SLC25A40: variants seen among roughly 807,000 people sequenced by gnomAD.
SLC25A40 encodes solute carrier family 25 member 40.
A neutral mutation model predicts 46.5 loss-of-function variants in SLC25A40; 41 were observed. That is an observed-to-expected ratio of 0.88 (90% CI 0.69 to 1.14). The LOEUF is 1.14. SLC25A40 is among the 50% of genes most tolerant of loss of function. The probability of loss-of-function intolerance (pLI) is 0.00; values close to 1 mark genes in which losing one functional copy is unlikely to be tolerated. For synonymous variants in SLC25A40, 126 were observed against 127.5 expected, an observed-to-expected ratio of 0.99 and a Z score of 0.08; for missense variants, 386 against 393.6, an observed-to-expected ratio of 0.98 and a Z score of 0.16.
At chr7:87,853,113 A>C (rs180687302) in intron 5 of SLC25A40, among the ~76,000 whole-genome samples, 2 of 152,364 alleles carry the variant, frequency 1.3e-5, no homozygotes, top group African/African-American at 2.4e-5. Flanking sequence ...AGTATCTAGA[A>C]CATATAAAGA....
At chr7:87,862,179 T>C (rs1275662257) in intron 1 of SLC25A40, among the ~76,000 whole-genome samples, 1 of 152,190 alleles carries the variant, frequency 6.6e-6, no homozygotes, top group African/African-American at 2.4e-5. Context: ...TGTCCCACTT[T>C]CTATTCTCCT....
intron 1 of SLC25A40, among the ~76,000 whole-genome samples, chr7:87,872,964 C>G (rs997870646): frequency 6.6e-6 from 1 of 152,212 alleles, no homozygotes; most frequent in Non-Finnish European, 1.5e-5. Context: ...CCAATCCTAT[C>G]CTTTCATGCA....
chr7:87,868,765 A>G (rs537079672), intron 1 of SLC25A40, among the ~76,000 whole-genome samples: 1 of 152,186 alleles, frequency 6.6e-6, no homozygotes, highest in Admixed American at 6.5e-5. Flanking sequence ...AGCTCTCTGA[A>G]CCCTGTCCTC....
intron 5 of SLC25A40, among the ~76,000 whole-genome samples, chr7:87,852,288 T>G (rs746960210): frequency 5.9e-5 from 9 of 151,670 alleles, no homozygotes; most frequent in Non-Finnish European, 1.2e-4. Flanking sequence ...GAAAAAAAAA[T>G]AAATAAATAA....
At chr7:87,874,131 T>C (rs950981331) in intron 1 of SLC25A40, among the ~76,000 whole-genome samples, 3 of 152,238 alleles carry the variant, frequency 2.0e-5, no homozygotes, top group Admixed American at 6.5e-5. Context: ...TAACCTTGGA[T>C]AATAGATTAG....
chr7:87,857,022 T>A (rs901704299), intron 3 of SLC25A40, among the ~76,000 whole-genome samples: 2 of 152,180 alleles, frequency 1.3e-5, no homozygotes, highest in African/African-American at 4.8e-5. Context: ...AGCAATTAAT[T>A]TATTTGTTCT....
chr7:87,850,141 TACTA>T (rs1406909452), intron 5 of SLC25A40, among the ~76,000 whole-genome samples, 193 bp from the exon 6 acceptor site: 1 of 152,192 alleles, frequency 6.6e-6, no homozygotes, highest in African/African-American at 2.4e-5. Flanking sequence ...TTCTGGATGA[TACTA>T]ACTTCTTACA....
Position 87,834,517 on chromosome 7 carries a change from C to G in SLC25A40, c.*1732G>C, listed in dbSNP as rs1470848666. The G allele has an allele frequency of 6.6e-6, 1 of 151,484 alleles. No homozygotes were observed. Among genetic ancestry groups the G allele is most frequent in the Non-Finnish European group, 1.5e-5 (1 of 67,684 alleles). 9.4% of individuals were successfully genotyped at this position (151,484 alleles called of 1,614,324 possible). ...TAGGCAATTAGATTTACTTATCTTA[C>G]TTTATTCATAAATAAGAATTTTCCT... On this transcript the variant is annotated 3_prime_UTR_variant, in exon 12 of 12. Transcript: ENST00000341119.
intron 1 of SLC25A40, among the ~76,000 whole-genome samples, 167 bp downstream of exon 1, chr7:87,875,929 C>T (rs1238696957): frequency 6.6e-6 from 1 of 152,224 alleles, no homozygotes; most frequent in Non-Finnish European, 1.5e-5. Context: ...GGGAAAACCC[C>T]GCTTGCTGTG....
chr7:87,836,140 GA>G lies in SLC25A40; in HGVS notation c.*108del, dbSNP rs1192125914. 1 of 575,932 alleles carries G rather than the reference GA, an allele frequency of 1.7e-6. No individual in the cohort carries two copies. The highest frequency in any genetic ancestry group is 3.4e-5 in the East Asian group (1 of 29,146). 35.7% of individuals were successfully genotyped at this position (575,932 alleles called of 1,614,324 possible). On this transcript the variant is annotated 3_prime_UTR_variant, in exon 12 of 12. Coordinates refer to ENST00000341119, the MANE Select transcript of SLC25A40 (RefSeq NM_018843.4). ...CTGAAATTATTTATTTAAATTATAG[GA>G]AAGAAAGACATAAAATCATTGTGAG...
chr7:87,875,547 AT>A (rs544988228), intron 1 of SLC25A40, among the ~76,000 whole-genome samples: 2,366 of 143,294 alleles, frequency 0.017, 21 homozygotes, highest in African/African-American at 0.022. Context: ...GAAGAAACAG[AT>A]TTTTTTTTTT....
chr7:87,859,948 C>T (rs1838672934), intron 2 of SLC25A40: 1 of 152,110 alleles, frequency 6.6e-6, no homozygotes, highest in South Asian at 2.1e-4. Context: ...GTAATCCTAG[C>T]ACTTTGGGAG....
chr7:87,874,187 G>T (rs1838938717), intron 1 of SLC25A40, among the ~76,000 whole-genome samples: 1 of 152,118 alleles, frequency 6.6e-6, no homozygotes, highest in Admixed American at 6.5e-5. Flanking sequence ...CTTATTTATT[G>T]CTTGGAATTA....
intron 1 of SLC25A40, among the ~76,000 whole-genome samples, chr7:87,872,606 CTCA>C (rs1838911304): frequency 6.6e-6 from 1 of 152,266 alleles, no homozygotes; most frequent in Admixed American, 6.5e-5. Flanking sequence ...ATTTACTACT[CTCA>C]TCATTTCTAT....
intron 9 of SLC25A40, 48 bp from the exon 10 acceptor site, chr7:87,841,762 C>A: frequency 8.5e-7 from 1 of 1,171,070 alleles, no homozygotes; most frequent in South Asian, 1.9e-5. Context: ...GTTAATTTTT[C>A]CTAAAATATT....
intron 4 of SLC25A40, 58 bp from the exon 5 acceptor site, chr7:87,854,368 C>A (rs1384568424): frequency 3.0e-6 from 3 of 997,596 alleles, no homozygotes; most frequent in Non-Finnish European, 4.5e-6. Flanking sequence ...ATTATTTTTA[C>A]AGATGAACAA....
intron 3 of SLC25A40, among the ~76,000 whole-genome samples, chr7:87,858,208 C>G (rs771308289): frequency 6.6e-6 from 1 of 152,208 alleles, no homozygotes; most frequent in East Asian, 1.9e-4. Flanking sequence ...TGAACATAGA[C>G]CCTTATCAGT....
intron 1 of SLC25A40, among the ~76,000 whole-genome samples, chr7:87,870,954 A>C (rs1248063900): frequency 1.3e-5 from 2 of 152,148 alleles, no homozygotes; most frequent in Non-Finnish European, 2.9e-5. Flanking sequence ...GCTAACACTT[A>C]AGCTGTCCGT....
At chr7:87,845,482 A>C (rs1002589341) in intron 8 of SLC25A40, among the ~76,000 whole-genome samples, 2 of 152,268 alleles carry the variant, frequency 1.3e-5, no homozygotes, top group African/African-American at 4.8e-5. Flanking sequence ...GTCCTTATGA[A>C]AATTTAATGC....
Sources: allele counts gnomAD v4.1 joint callset (sites outside exome capture counted in the v4.1 genomes callset), GRCh38; gene constraint gnomAD v4.1.1; transcripts MANE v1.5; gene names NCBI Gene and HGNC (gene_info 2026-07-23, HGNC 2026-07-21).